PCGF6: variants seen among roughly 807,000 people sequenced by gnomAD.
The protein encoded by PCGF6 is polycomb group RING finger protein 6.
Under a neutral mutation model 45.5 loss-of-function variants are expected in PCGF6, and 24 were observed. That is an observed-to-expected ratio of 0.53 (90% confidence interval 0.38 to 0.74). PCGF6 has a LOEUF of 0.74. Ranked by LOEUF, PCGF6 falls within the 30% of genes least tolerant of loss-of-function variation. The probability of loss-of-function intolerance (pLI) is 0.00; values close to 1 mark genes in which losing one functional copy is unlikely to be tolerated. For synonymous variants in PCGF6, 152 were observed against 162.1 expected (o/e 0.94, Z 0.47); for missense variants, 356 against 443.2 (o/e 0.80, Z 1.77).
At chr10:103,338,214 C>T (rs2093265103) in intron 6 of PCGF6, among the ~76,000 whole-genome samples, 1 of 151,866 alleles carries the variant, frequency 6.6e-6, no homozygotes, top group Admixed American at 6.6e-5. Flanking sequence ...GCACTCCAGC[C>T]TTGACAACAA....
chr10:103,327,952 G>C (rs973063756), intron 7 of PCGF6, among the ~76,000 whole-genome samples: 2 of 151,826 alleles, frequency 1.3e-5, no homozygotes, highest in Non-Finnish European at 2.9e-5. Flanking sequence ...TGGGAGTACA[G>C]GTATGAGCCA....
intron 7 of PCGF6, among the ~76,000 whole-genome samples, chr10:103,327,008 C>T (rs1052504733): frequency 6.6e-6 from 1 of 152,106 alleles, no homozygotes; most frequent in Non-Finnish European, 1.5e-5. Flanking sequence ...ACTTTGAGGC[C>T]GGGCATGGTG....
chr10:103,322,567 TC>T (rs1242001814), intron 8 of PCGF6, among the ~76,000 whole-genome samples: 1 of 151,162 alleles, frequency 6.6e-6, no homozygotes, highest in African/African-American at 2.4e-5. Flanking sequence ...ATGCCTGTAA[TC>T]CCAGTACTTT....
chr10:103,319,456 T>C (rs1318717164), intron 8 of PCGF6, among the ~76,000 whole-genome samples: 1 of 152,048 alleles, frequency 6.6e-6, no homozygotes, highest in East Asian at 1.9e-4. Context: ...TGGCCATACA[T>C]ACTCTTCTTT....
chr10:103,338,784 C>T (rs2093267967), intron 6 of PCGF6, among the ~76,000 whole-genome samples: 1 of 151,896 alleles, frequency 6.6e-6, no homozygotes, highest in Non-Finnish European at 1.5e-5. Flanking sequence ...AGGAGAATCG[C>T]TTGAACCCTA....
At position 103,348,745 on chromosome 10, in the gene PCGF6, T is replaced by C. The variant is rs749356581; in HGVS notation, c.528A>G (p.Val176=). The C allele has an allele frequency of 1.9e-6, 3 of 1,604,854 alleles. No individual in the cohort carries two copies. Among genetic ancestry groups the C allele is most frequent in the South Asian group, 2.2e-5 (2 of 90,370 alleles). The change falls in exon 3 of 10, where the codon GTA becomes GTG. Residue 176 remains valine, a synonymous_variant. Coordinates refer to ENST00000369847, the MANE Select transcript of PCGF6 (RefSeq NM_001011663.2). ...SNRCPKCNIV[V]HQTQPLYNIR... ...TGTTATAAAGAGGTTGTGTCTGATG[T>C]ACTACTATATTGCATTTTGGACATC...
intron 8 of PCGF6, among the ~76,000 whole-genome samples, chr10:103,326,245 C>T (rs1425660317): frequency 6.6e-6 from 1 of 151,778 alleles, no homozygotes; most frequent in Admixed American, 6.6e-5. Flanking sequence ...AAAAATCAGC[C>T]GGGTGCAGTG....
intron 8 of PCGF6, among the ~76,000 whole-genome samples, chr10:103,316,013 T>TATATAGAG (rs1311416309): frequency 1.0e-3 from 124 of 119,516 alleles, no homozygotes; most frequent in African/African-American, 4.0e-3. Flanking sequence ...TATATATATA[T>TATATAGAG]AGAGAGAGAG....
intron 9 of PCGF6, among the ~76,000 whole-genome samples, chr10:103,305,201 T>G (rs866771495): frequency 1.4e-5 from 2 of 143,916 alleles, no homozygotes; most frequent in Admixed American, 7.1e-5. Context: ...CTCAAACTCT[T>G]GAGCTTCAAG....
At chr10:103,338,558 A>G (rs549647077) in intron 6 of PCGF6, among the ~76,000 whole-genome samples, 6 of 151,190 alleles carry the variant, frequency 4.0e-5, no homozygotes, top group African/African-American at 7.3e-5. Flanking sequence ...AAAAAAAAAA[A>G]AAGAAGACCA....
chr10:103,318,907 C>T lies in PCGF6; in HGVS notation c.910-4635G>A, dbSNP rs537259977. On this transcript the variant is annotated intron_variant, in intron 8 of 9. Coordinates refer to ENST00000369847, the MANE Select transcript of PCGF6 (RefSeq NM_001011663.2). ...CAGCTTTGTAAGCAGGCCCTTCTAA[C>T]GACAGCAGCCTCAAGGCTGATACGT... 2.6e-5 allele frequency among the ~76,000 whole-genome samples: 4 copies of T among 152,290 alleles called. No individual in the cohort carries two copies. In the East Asian group the frequency reaches 5.8e-4, roughly 22 times the overall value.
intron 3 of PCGF6, chr10:103,348,350 T>G (rs906315880): frequency 1.3e-5 from 2 of 158,656 alleles, no homozygotes; most frequent in African/African-American, 4.8e-5. Context: ...GTTTTTTTTT[T>G]TTTTGAGATA....
intron 8 of PCGF6, among the ~76,000 whole-genome samples, chr10:103,321,166 G>A (rs529626600): frequency 3.9e-4 from 60 of 152,290 alleles, no homozygotes; most frequent in Non-Finnish European, 8.2e-4. Context: ...ATTAAAGGTT[G>A]AAACAAATTT....
intron 9 of PCGF6, among the ~76,000 whole-genome samples, chr10:103,308,866 C>G (rs186895501): frequency 8.6e-5 from 13 of 151,856 alleles, no homozygotes; most frequent in Admixed American, 5.3e-4. Flanking sequence ...GAGAGAGAGA[C>G]TCCATCTCAA....
intron 7 of PCGF6, among the ~76,000 whole-genome samples, chr10:103,333,626 A>C (rs950939081): frequency 1.1e-4 from 17 of 152,200 alleles, no homozygotes; most frequent in African/African-American, 4.1e-4. Flanking sequence ...TAAAATTTTA[A>C]GCTCATATTT....
chr10:103,328,761 T>C (rs2093228491), intron 7 of PCGF6, among the ~76,000 whole-genome samples: 1 of 152,224 alleles, frequency 6.6e-6, no homozygotes, highest in Non-Finnish European at 1.5e-5. Flanking sequence ...TTGTTTGTTT[T>C]TTGTTTTTGA....
chr10:103,322,174 G>A (rs72846191), intron 8 of PCGF6, among the ~76,000 whole-genome samples: 2,678 of 152,056 alleles, frequency 0.018, 26 homozygotes, highest in Non-Finnish European at 0.026. Flanking sequence ...GGGATTACAG[G>A]GTGAGCCACC....
intron 6 of PCGF6, 118 bp from the exon 7 acceptor site, chr10:103,334,070 C>T (rs2093248789): frequency 1.5e-6 from 1 of 677,676 alleles, no homozygotes. Context: ...AGAACACAGT[C>T]ACCTGAAGTT....
intron 7 of PCGF6, among the ~76,000 whole-genome samples, chr10:103,330,049 T>C (rs1564729996): frequency 6.6e-6 from 1 of 151,926 alleles, no homozygotes; most frequent in Non-Finnish European, 1.5e-5. Context: ...ATTACAGGTG[T>C]GAGCCACTGT....
Sources: gnomAD v4.1 joint callset for allele counts (sites outside exome capture counted in the v4.1 genomes callset) on GRCh38, gnomAD v4.1.1 for gene constraint, MANE v1.5 for transcripts, NCBI Gene and HGNC (gene_info 2026-07-23, HGNC 2026-07-21) for gene names.